Variants in CSMD2 observed in about 807,000 individuals in gnomAD.
CSMD2 encodes the protein CUB and sushi domain-containing protein 2.
A neutral mutation model predicts 398.5 loss-of-function variants in CSMD2; 130 were observed. The observed-to-expected ratio is 0.33, with a 90% CI of 0.28 to 0.38. The LOEUF (loss-of-function observed/expected upper bound fraction) is 0.38, where lower values mean the gene tolerates loss of function less well. CSMD2 is among the 10% of genes least tolerant of loss of function. The pLI, the probability that CSMD2 is intolerant of heterozygous loss-of-function variation, is 1.00. For synonymous variants in CSMD2, 1,828 were observed against 1,908.5 expected, an observed-to-expected ratio of 0.96 and a Z score of 1.10; for missense variants, 3,829 against 4,764.9, an observed-to-expected ratio of 0.80 and a Z score of 5.78.
intron 64 of CSMD2, among the ~76,000 whole-genome samples, chr1:33,531,955 T>C (rs959554642): frequency 3.9e-5 from 6 of 152,380 alleles, no homozygotes; most frequent in African/African-American, 1.4e-4. Context: ...CTTAAAATTG[T>C]ATATTATGTA....
intron 2 of CSMD2, among the ~76,000 whole-genome samples, chr1:34,071,105 G>A (rs1226116404): frequency 2.0e-5 from 3 of 152,206 alleles, no homozygotes; most frequent in African/African-American, 7.2e-5. Flanking sequence ...GCTTATGGAA[G>A]GACAAAGGTG....
intron 27 of CSMD2, among the ~76,000 whole-genome samples, chr1:33,654,333 C>A (rs568204994): frequency 6.6e-6 from 1 of 152,320 alleles, no homozygotes; most frequent in Admixed American, 6.5e-5. Flanking sequence ...GCCTAAGTAA[C>A]TTGCCCAGAG....
At chr1:33,693,160 C>A in intron 24 of CSMD2, 104 bp from the exon 25 acceptor site, 1 of 1,325,370 alleles carries the variant, frequency 7.5e-7, no homozygotes. Context: ...CTTCCCTCTC[C>A]CATTCATTTC....
At chr1:33,658,582 C>T (rs577206823) in intron 26 of CSMD2, among the ~76,000 whole-genome samples, 9 of 150,328 alleles carry the variant, frequency 6.0e-5, no homozygotes, top group African/African-American at 2.3e-4. Flanking sequence ...CTCCATGCTG[C>T]CAGGTATGGT....
rs373835183 is a variant in CSMD2 at position 33,646,539 on chromosome 1, T to C, written c.4774+109A>G. On this transcript the variant is annotated intron_variant, in intron 29 of 70. Transcript: ENST00000373381. ...GGCGGCAGCAGTGCTAGGGTTGGTG[T>C]GGGCTTGCTGTGGTCCAGCCCAGGG... 643 of 1,199,860 alleles carry C rather than the reference T, an allele frequency of 5.4e-4. 3 individuals carry two copies. The African/African-American group carries it at 8.6e-3, about 16-fold the overall frequency. The allele number at this position is 1,199,860 out of a possible 1,614,324, so 74.3% of individuals were successfully genotyped here.
At chr1:33,773,253 C>T (rs762412417) in intron 12 of CSMD2, among the ~76,000 whole-genome samples, 1 of 152,240 alleles carries the variant, frequency 6.6e-6, no homozygotes, top group Non-Finnish European at 1.5e-5. Context: ...GATGACACAG[C>T]AGTTGAGGCT....
intron 5 of CSMD2, among the ~76,000 whole-genome samples, chr1:33,854,408 G>A (rs549398389): frequency 6.6e-6 from 1 of 152,230 alleles, no homozygotes; most frequent in Non-Finnish European, 1.5e-5. Flanking sequence ...TACATGTGGG[G>A]AAAAGCAGAG....
chr1:33,772,364 C>A, intron 13 of CSMD2: 2 of 525,706 alleles, frequency 3.8e-6, no homozygotes, highest in Non-Finnish European at 3.4e-6. Context: ...ATGTCAGGAG[C>A]ACTTGTTCTC....
intron 12 of CSMD2, among the ~76,000 whole-genome samples, chr1:33,775,749 G>C (rs1651886503): frequency 6.6e-6 from 1 of 152,182 alleles, no homozygotes; most frequent in Non-Finnish European, 1.5e-5. Context: ...GCCTGGTCTA[G>C]AAATTCAGCT....
chr1:33,848,635 G>A (rs1638460565), intron 5 of CSMD2, among the ~76,000 whole-genome samples: 1 of 152,100 alleles, frequency 6.6e-6, no homozygotes, highest in Non-Finnish European at 1.5e-5. Context: ...CTGCAAAACT[G>A]AATTCTTACT....
chr1:33,656,587 G>A (rs998912041), intron 27 of CSMD2, among the ~76,000 whole-genome samples: 1 of 152,194 alleles, frequency 6.6e-6, no homozygotes, highest in Non-Finnish European at 1.5e-5. Flanking sequence ...GAGTGAGAGA[G>A]GTGCAGGCCA....
chr1:34,105,513 T>A (rs1388221406), intron 1 of CSMD2, among the ~76,000 whole-genome samples: 1 of 152,196 alleles, frequency 6.6e-6, no homozygotes, highest in African/African-American at 2.4e-5. Flanking sequence ...TTCAGGGGAT[T>A]AGCAGGCCAA....
chr1:33,620,037 T>C (rs533037024), intron 37 of CSMD2, among the ~76,000 whole-genome samples: 151 of 152,180 alleles, frequency 9.9e-4, no homozygotes, highest in Non-Finnish European at 1.5e-3. Flanking sequence ...AAAAATGGAA[T>C]GGGAGAAAGA....
At chr1:33,944,601 G>GGGT (rs1345406082) in intron 3 of CSMD2, among the ~76,000 whole-genome samples, 1 of 152,184 alleles carries the variant, frequency 6.6e-6, no homozygotes, top group Non-Finnish European at 1.5e-5. Flanking sequence ...GAGATCCGAA[G>GGGT]GGTCACACAG....
Position 33,658,248 on chromosome 1 carries a change from A to G in CSMD2, c.4256-111T>C, listed in dbSNP as rs896438670. ...CCATCATCCGTGCATTGCCACAACC[A>G]CCAGAACCTCCCCATCATCATCATC... On this transcript the variant is annotated intron_variant, in intron 26 of 70. Coordinates refer to ENST00000373381, the MANE Select transcript of CSMD2 (RefSeq NM_001281956.2). The G allele has an allele frequency of 7.3e-6, 6 of 823,020 alleles. No homozygotes were observed. In the African/African-American group the frequency reaches 8.6e-5, roughly 12 times the overall value. 51.0% of individuals were successfully genotyped at this position (823,020 alleles called of 1,614,324 possible).
Position 33,819,779 on chromosome 1 carries a change from G to T in CSMD2, c.1258C>A (p.Arg420=). 1 of 1,614,060 alleles carries T rather than the reference G, an allele frequency of 6.2e-7. No homozygotes were observed. Among genetic ancestry groups the T allele is most frequent in the East Asian group, 2.2e-5 (1 of 44,858 alleles). Residue 420 remains arginine (R), a synonymous_variant, in exon 9 of 71, where the codon CGG becomes AGG. Transcript: ENST00000373381. ...NEGYDLQGSK[R]ITCMKVSDMF... ...TCGCTCACTTTCATACAGGTGATCC[G>T]CTTGGACCCTTGCAGGTCATAGCCC...
chr1:34,057,236 C>G (rs1341278356), intron 2 of CSMD2, among the ~76,000 whole-genome samples: 2 of 152,100 alleles, frequency 1.3e-5, no homozygotes, highest in Admixed American at 1.3e-4. Flanking sequence ...TGATTCCATC[C>G]TGACCACAAC....
At chr1:33,825,902 G>T in intron 6 of CSMD2, 128 bp from the exon 7 acceptor site, 2 of 703,900 alleles carry the variant, frequency 2.8e-6, no homozygotes, top group Non-Finnish European at 4.8e-6. Context: ...GAACTTCTGG[G>T]CTGGGACATT....
rs556780805 is a variant in CSMD2 at position 33,555,981 on chromosome 1, A to G, written c.8743+1753T>C. 5.3e-5 allele frequency among the ~76,000 whole-genome samples: 8 copies of G among 152,230 alleles called. No homozygotes were observed. In the East Asian group the frequency reaches 1.4e-3, roughly 26 times the overall value. ...AGTAAGCTGATTCTAACCCTCATGC[A>G]TGACTTTGATGGGTTCAAGACTTCA... On this transcript the variant is annotated intron_variant, in intron 55 of 70. Coordinates refer to ENST00000373381, the MANE Select transcript of CSMD2 (RefSeq NM_001281956.2).
Sources: allele counts gnomAD v4.1 joint callset (sites outside exome capture counted in the v4.1 genomes callset), GRCh38; gene constraint gnomAD v4.1.1; transcripts MANE v1.5; gene names NCBI Gene and HGNC (gene_info 2026-07-23, HGNC 2026-07-21).